SAMHD1: variants seen among roughly 807,000 people sequenced by gnomAD.
SAMHD1 encodes deoxynucleoside triphosphate triphosphohydrolase SAMHD1.
Under a neutral mutation model 79.6 loss-of-function variants are expected in SAMHD1, and 54 were observed. The observed-to-expected ratio is 0.68, with a 90% confidence interval of 0.55 to 0.85. The LOEUF is 0.85. Among genes scored for constraint, SAMHD1 ranks in the 40% least tolerant of loss-of-function variants. The pLI is 0.00. For synonymous variants in SAMHD1, 260 were observed against 264.1 expected, an observed-to-expected ratio of 0.98 and a Z score of 0.15; for missense variants, 663 against 782.7, an observed-to-expected ratio of 0.85 and a Z score of 1.82.
Position 36,890,410 on chromosome 20 carries a change from C to CTTTCTTTCTTTCTTTCTTTCTTTCTT in SAMHD1, c.*2521_*2522insAAGAAAGAAAGAAAGAAAGAAAGAAA, listed in dbSNP as rs1463826514. On this transcript the variant is annotated 3_prime_UTR_variant, in exon 16 of 16. Transcript: ENST00000646673. ...GATATTTCTTTCTCTTTCTTTCTTTCTTTCTTTCTTTTCTTTCTCTCTTTC... is the reference window on the plus strand; with the variant it reads ...GATATTTCTTTCTCTTTCTTTCTTTCTTTCTTTCTTTCTTTCTTTCTTTCTTTTTCTTTCTTTTCTTTCTCTCTTTC... The CTTTCTTTCTTTCTTTCTTTCTTTCTT allele has an allele frequency of 2.0e-5, 3 of 149,820 alleles. No individual in the cohort carries two copies. Among genetic ancestry groups the CTTTCTTTCTTTCTTTCTTTCTTTCTT allele is most frequent in the African/African-American group, 7.4e-5 (3 of 40,660 alleles). The allele number at this position is 149,820 out of a possible 1,614,324, so 9.3% of individuals were successfully genotyped here. A position where few individuals can be genotyped will look rare whatever the true frequency, so the allele number is the denominator to read the frequency against.
At chr20:36,944,617 G>A (rs1046884218) in intron 2 of SAMHD1, among the ~76,000 whole-genome samples, 6 of 152,266 alleles carry the variant, frequency 3.9e-5, no homozygotes, top group South Asian at 4.1e-4. Flanking sequence ...ATTTAAGGCC[G>A]GTCGCAGTGG....
chr20:36,917,266 C>T (rs1332756993), intron 7 of SAMHD1: 2 of 538,848 alleles, frequency 3.7e-6, no homozygotes, highest in East Asian at 6.5e-5. Context: ...CTATTGTTAC[C>T]ACATTTTCTT....
In SAMHD1 at chr20:36,890,761, A is replaced by C. The variant is rs910621796; in HGVS notation, c.*2171T>G. The C allele has an allele frequency of 6.6e-6, 1 of 152,152 alleles. No individual in the cohort carries two copies. Among genetic ancestry groups the C allele is most frequent in the Non-Finnish European group, 1.5e-5 (1 of 68,036 alleles). 9.4% of individuals were successfully genotyped at this position (152,152 alleles called of 1,614,324 possible). A position where few individuals can be genotyped will look rare whatever the true frequency, so the allele number is the denominator to read the frequency against. On this transcript the variant is annotated 3_prime_UTR_variant, in exon 16 of 16. Coordinates refer to ENST00000646673, the MANE Select transcript of SAMHD1 (RefSeq NM_015474.4). ...CCAAAGTGCTGGGATTACAGGCATG[A>C]CCACCTCGCCTGGCCAAGAAAAATG...
intron 4 of SAMHD1, among the ~76,000 whole-genome samples, chr20:36,933,684 T>C (rs1385405354): frequency 6.8e-6 from 1 of 146,130 alleles, no homozygotes; most frequent in Non-Finnish European, 1.5e-5. Context: ...AGAGACGGGG[T>C]TTCACCATGT....
chr20:36,944,230 C>A (rs2063669036), intron 2 of SAMHD1, among the ~76,000 whole-genome samples: 1 of 151,712 alleles, frequency 6.6e-6, no homozygotes. Context: ...GCCAGTAGTC[C>A]CAGCTACTTA....
chr20:36,942,529 G>T (rs2063653148), intron 2 of SAMHD1, among the ~76,000 whole-genome samples: 1 of 152,188 alleles, frequency 6.6e-6, no homozygotes, highest in South Asian at 2.1e-4. Flanking sequence ...AAGATTTAAA[G>T]AAGTCATGGG....
chr20:36,938,438 G>C (rs1244436241), intron 3 of SAMHD1, among the ~76,000 whole-genome samples: 2 of 152,106 alleles, frequency 1.3e-5, no homozygotes, highest in Admixed American at 1.3e-4. Flanking sequence ...TACTCAGGAG[G>C]CTGAGGCAGG....
intron 15 of SAMHD1, 22 bp from the exon 16 acceptor site, chr20:36,893,088 A>G (rs780697696): frequency 6.2e-7 from 1 of 1,611,030 alleles, no homozygotes; most frequent in Admixed American, 1.7e-5. Context: ...AGAGAGAAAA[A>G]CAGGCAATAG....
At chr20:36,895,393 C>T (rs1233915718) in intron 15 of SAMHD1, among the ~76,000 whole-genome samples, 1 of 152,030 alleles carries the variant, frequency 6.6e-6, no homozygotes, top group Non-Finnish European at 1.5e-5. Context: ...CCAAGACCAG[C>T]TAAATCCTCC....
Position 36,892,793 on chromosome 20 carries a change from T to G in SAMHD1, c.*139A>C, listed in dbSNP as rs1990107860. Reference sequence around the variant, plus strand: ...ACCATCTTATTTCTTTGATTAAAAGTTACTTAGCTTCAGCATGCGTGTACA... The same window carrying G: ...ACCATCTTATTTCTTTGATTAAAAGGTACTTAGCTTCAGCATGCGTGTACA... On this transcript the variant is annotated 3_prime_UTR_variant, in exon 16 of 16. Coordinates refer to ENST00000646673, the MANE Select transcript of SAMHD1 (RefSeq NM_015474.4). 1 of 1,076,186 alleles carries G rather than the reference T, an allele frequency of 9.3e-7. No individual in the cohort carries two copies. The highest frequency in any genetic ancestry group is 1.6e-5 in the African/African-American group (1 of 64,072). 66.7% of individuals were successfully genotyped at this position (1,076,186 alleles called of 1,614,324 possible). A position where few individuals can be genotyped will look rare whatever the true frequency, so the allele number is the denominator to read the frequency against.
intron 7 of SAMHD1, among the ~76,000 whole-genome samples, chr20:36,917,419 C>T (rs577176572): frequency 2.0e-5 from 3 of 152,166 alleles, no homozygotes; most frequent in Admixed American, 6.6e-5. Flanking sequence ...TTTGGGAGGC[C>T]GAGGAGGGCG....
intron 3 of SAMHD1, among the ~76,000 whole-genome samples, chr20:36,939,662 A>G (rs2063628657): frequency 6.6e-6 from 1 of 152,196 alleles, no homozygotes; most frequent in African/African-American, 2.4e-5. Flanking sequence ...ATTCTTATAG[A>G]GAGGGATCTG....
intron 5 of SAMHD1, among the ~76,000 whole-genome samples, chr20:36,929,252 G>A (rs1160494459): frequency 6.6e-6 from 1 of 151,964 alleles, no homozygotes; most frequent in Non-Finnish European, 1.5e-5. Context: ...TCATCTAGGG[G>A]CTGGTATTGG....
chr20:36,938,516 G>A (rs1427214854), intron 3 of SAMHD1, among the ~76,000 whole-genome samples: 1 of 151,786 alleles, frequency 6.6e-6, no homozygotes, highest in African/African-American at 2.4e-5. Context: ...CTCCAGCCTG[G>A]GCAACCGAGT....
rs66970329 is a variant in SAMHD1, at chr20:36,912,751, A to ATT, written c.1063-201_1063-200dup. The stretch of plus-strand genomic sequence containing the variant: ...AGCCATTTATTGGCTTGCAACTTTC[A>ATT]TTTTTTTTTTTTTTTTTTTTTTTTT... On this transcript the variant is annotated intron_variant, in intron 9 of 15. Coordinates refer to ENST00000646673, the MANE Select transcript of SAMHD1 (RefSeq NM_015474.4). 0.39 allele frequency among the ~76,000 whole-genome samples: 41,849 copies of ATT among 106,074 alleles called. 9,782 individuals are homozygous for ATT. The highest frequency in any genetic ancestry group is 0.49 in the South Asian group (1,364 of 2,800). The allele number at this position is 106,074 out of a possible 152,430, so 69.6% of individuals were successfully genotyped here.
intron 1 of SAMHD1, among the ~76,000 whole-genome samples, chr20:36,947,310 GGT>G (rs35061251): frequency 0.15 from 12,439 of 84,690 alleles, 846 homozygotes; most frequent in Non-Finnish European, 0.18. Flanking sequence ...ATTTGGAAGA[GGT>G]GTGTGTGTGT....
Position 36,947,551 on chromosome 20 carries a change from G to GTGT in SAMHD1, c.209-748_209-747insACA, listed in dbSNP as rs2063701110. Among the ~76,000 whole-genome samples, 33 of 75,770 alleles carry GTGT rather than the reference G, an allele frequency of 4.4e-4. 2 individuals are homozygous for GTGT. The highest frequency in any genetic ancestry group is 1.8e-3 in the African/African-American group (26 of 14,352). 49.7% of individuals were successfully genotyped at this position (75,770 alleles called of 152,430 possible). ...ACTCAATACTCTGATTTGGAAGAGG[G>GTGT]GTGTGTGTGTGTGTGTGTGTGTGTG... is the stretch of plus-strand genomic sequence containing the variant. On this transcript the variant is annotated intron_variant, in intron 1 of 15. Transcript: ENST00000646673.
In SAMHD1 at chr20:36,951,355, C is replaced by G. The variant is rs2063733206; in HGVS notation, c.208+81G>C. 9.4e-6 allele frequency: 15 copies of G among 1,591,762 alleles called. No individual in the cohort carries two copies. In the South Asian group the frequency reaches 1.5e-4, roughly 16 times the overall value. ...GCTCGCTCCTCGGCCTCGGTCCTCT[C>G]GTGGGGCCCCCTCCCTCAGGGCGCC... On this transcript the variant is annotated intron_variant, in intron 1 of 15. Transcript: ENST00000646673.
intron 7 of SAMHD1, among the ~76,000 whole-genome samples, chr20:36,918,190 A>T (rs907536900): frequency 6.6e-6 from 1 of 151,764 alleles, no homozygotes; most frequent in Non-Finnish European, 1.5e-5. Context: ...GGCTCAAGTG[A>T]TCCTCCCATC....
Sources: allele counts gnomAD v4.1 joint callset (sites outside exome capture counted in the v4.1 genomes callset), GRCh38; gene constraint gnomAD v4.1.1; transcripts MANE v1.5; gene names NCBI Gene and HGNC (gene_info 2026-07-23, HGNC 2026-07-21).